Variants in NUBPL observed in about 807,000 individuals in gnomAD.
The protein encoded by NUBPL is NUBP iron-sulfur cluster assembly factor, mitochondrial.
A neutral mutation model predicts 45.7 loss-of-function variants in NUBPL; 31 were observed. The ratio of observed to expected loss-of-function variants is 0.68; its 90% CI spans 0.51 to 0.92. The LOEUF (loss-of-function observed/expected upper bound fraction) is 0.92, where lower values mean the gene tolerates loss of function less well. Ranked by LOEUF, NUBPL falls within the 40% of genes least tolerant of loss-of-function variation. The pLI, the probability that NUBPL is intolerant of heterozygous loss-of-function variation, is 0.00. For synonymous variants in NUBPL, 144 were observed against 140.9 expected, an observed-to-expected ratio of 1.02 and a Z score of -0.15; for missense variants, 401 against 398.7, an observed-to-expected ratio of 1.01 and a Z score of -0.05.
chr14:31,605,185 G>T (rs1264196137), intron 4 of NUBPL, among the ~76,000 whole-genome samples: 1 of 152,170 alleles, frequency 6.6e-6, no homozygotes, highest in Non-Finnish European at 1.5e-5. Context: ...TATAGTCCTA[G>T]AAATTATTGT....
intron 6 of NUBPL, among the ~76,000 whole-genome samples, chr14:31,727,970 C>T (rs2037963455): frequency 6.6e-6 from 1 of 152,036 alleles, no homozygotes; most frequent in Non-Finnish European, 1.5e-5. Flanking sequence ...AATAGTCTTA[C>T]TGGGCATTAT....
intron 4 of NUBPL, among the ~76,000 whole-genome samples, chr14:31,665,512 C>G (rs2036386398): frequency 1.3e-5 from 2 of 152,124 alleles, no homozygotes; most frequent in South Asian, 4.1e-4. Context: ...GCAGGTTTTT[C>G]AGTTTCCACG....
intron 4 of NUBPL, among the ~76,000 whole-genome samples, chr14:31,643,654 T>C (rs2035767267): frequency 6.6e-6 from 1 of 152,178 alleles, no homozygotes; most frequent in South Asian, 2.1e-4. Flanking sequence ...AGGGTAATTC[T>C]GGCCTTATAG....
intron 6 of NUBPL, among the ~76,000 whole-genome samples, chr14:31,680,141 A>C (rs1378492032): frequency 6.6e-6 from 1 of 152,138 alleles, no homozygotes; most frequent in East Asian, 1.9e-4. Flanking sequence ...TAGTAACTGT[A>C]TTAGTGTCTT....
At chr14:31,798,811 A>AG (rs2039523160) in intron 7 of NUBPL, among the ~76,000 whole-genome samples, 1 of 150,952 alleles carries the variant, frequency 6.6e-6, no homozygotes, top group Admixed American at 6.6e-5. Flanking sequence ...AAAAAAAAAA[A>AG]AAAAAAGAAA....
At chr14:31,822,213 A>G (rs937043949) in intron 7 of NUBPL, among the ~76,000 whole-genome samples, 1 of 152,202 alleles carries the variant, frequency 6.6e-6, no homozygotes. Context: ...AACACAAAAG[A>G]TGAATGCCTG....
At chr14:31,631,274 C>T (rs999054123) in intron 4 of NUBPL, among the ~76,000 whole-genome samples, 2 of 152,022 alleles carry the variant, frequency 1.3e-5, no homozygotes, top group Non-Finnish European at 2.9e-5. Flanking sequence ...GGTTAAGTCC[C>T]ATTTCTGTTG....
intron 6 of NUBPL, among the ~76,000 whole-genome samples, chr14:31,778,778 C>T (rs562472116): frequency 1.3e-5 from 2 of 152,280 alleles, no homozygotes; most frequent in South Asian, 4.1e-4. Flanking sequence ...AGGGACCACT[C>T]AGCAATGGGA....
chr14:31,720,168 C>G (rs951848026), intron 6 of NUBPL, among the ~76,000 whole-genome samples: 2 of 152,112 alleles, frequency 1.3e-5, no homozygotes, highest in Non-Finnish European at 2.9e-5. Context: ...TTCTGTAAGT[C>G]CCACTAATTT....
intron 4 of NUBPL, among the ~76,000 whole-genome samples, chr14:31,635,016 A>C (rs1335416826): frequency 1.3e-5 from 2 of 150,058 alleles, no homozygotes; most frequent in African/African-American, 5.0e-5. Context: ...TAGGTTGCGA[A>C]AATTTTCTCC....
At chr14:31,706,920 T>C (rs146678896) in intron 6 of NUBPL, among the ~76,000 whole-genome samples, 1,617 of 152,352 alleles carry the variant, frequency 0.011, 24 homozygotes, top group African/African-American at 0.037. Context: ...AAAATTGGTA[T>C]AGATGGCTCC....
At chr14:31,851,353 T>C (rs2040536377) in intron 10 of NUBPL, among the ~76,000 whole-genome samples, 1 of 152,110 alleles carries the variant, frequency 6.6e-6, no homozygotes, top group Non-Finnish European at 1.5e-5. Context: ...CTTCTGTGAA[T>C]TGGAAAATAA....
At chr14:31,664,152 G>A (rs577618509) in intron 4 of NUBPL, among the ~76,000 whole-genome samples, 1 of 152,170 alleles carries the variant, frequency 6.6e-6, no homozygotes, top group Non-Finnish European at 1.5e-5. Flanking sequence ...GACAATGGGG[G>A]TTTTTTAAAT....
intron 6 of NUBPL, among the ~76,000 whole-genome samples, chr14:31,731,170 T>G (rs936114554): frequency 6.6e-6 from 1 of 152,214 alleles, no homozygotes; most frequent in Non-Finnish European, 1.5e-5. Flanking sequence ...TATTTAAAAC[T>G]TAATCATTAG....
At chr14:31,745,283 T>A (rs561154969) in intron 6 of NUBPL, among the ~76,000 whole-genome samples, 1 of 152,172 alleles carries the variant, frequency 6.6e-6, no homozygotes, top group South Asian at 2.1e-4. Context: ...TTCCCACCTA[T>A]GATTGAGAAC....
chr14:31,615,938 C>T (rs574844114), intron 4 of NUBPL, among the ~76,000 whole-genome samples: 6 of 152,306 alleles, frequency 3.9e-5, no homozygotes, highest in African/African-American at 1.4e-4. Flanking sequence ...TCCTATTTCT[C>T]CACATCCTCT....
intron 8 of NUBPL, among the ~76,000 whole-genome samples, chr14:31,837,611 A>G (rs960045833): frequency 4.6e-5 from 7 of 152,232 alleles, no homozygotes; most frequent in African/African-American, 1.7e-4. Context: ...TATCATTTCA[A>G]CATGAAAACC....
At chr14:31,738,636 A>G (rs1372538783) in intron 6 of NUBPL, among the ~76,000 whole-genome samples, 1 of 152,328 alleles carries the variant, frequency 6.6e-6, no homozygotes, top group Non-Finnish European at 1.5e-5. Context: ...ATTCCAACAT[A>G]AAACAAAAGG....
chr14:31,570,881 C>T (rs118129406), intron 3 of NUBPL, among the ~76,000 whole-genome samples: 9 of 152,290 alleles, frequency 5.9e-5, no homozygotes, highest in African/African-American at 9.6e-5. Context: ...TTTACCTGCC[C>T]GTACTTAGTT....
Sources: gnomAD v4.1 joint callset for allele counts (sites outside exome capture counted in the v4.1 genomes callset) on GRCh38, gnomAD v4.1.1 for gene constraint, MANE v1.5 for transcripts, NCBI Gene and HGNC (gene_info 2026-07-23, HGNC 2026-07-21) for gene names.